The following EFCAB6 variants were observed in gnomAD, a reference collection of about 807,000 sequenced individuals.
EFCAB6 encodes EF-hand calcium-binding domain-containing protein 6.
A neutral mutation model predicts 169.8 loss-of-function variants in EFCAB6; 156 were observed. The ratio of observed to expected loss-of-function variants is 0.92; its 90% CI spans 0.81 to 1.05. The LOEUF (loss-of-function observed/expected upper bound fraction) is 1.05. Ranked by LOEUF, EFCAB6 falls within the 50% of genes least tolerant of loss-of-function variation. The pLI, the probability that EFCAB6 is intolerant of heterozygous loss-of-function variation, is 0.00. For synonymous variants in EFCAB6, 698 were observed against 676.4 expected (o/e 1.03, Z -0.50); for missense variants, 1,800 against 1,829.1 (o/e 0.98, Z 0.29).
intron 10 of EFCAB6, among the ~76,000 whole-genome samples, chr22:43,710,897 A>G (rs1243230581): frequency 6.6e-6 from 1 of 152,238 alleles, no homozygotes; most frequent in Admixed American, 6.5e-5. Context: ...ACTGTGGGTT[A>G]CAAGCAGTCA....
chr22:43,593,227 A>C (rs1302802696), intron 23 of EFCAB6, among the ~76,000 whole-genome samples: 3 of 152,228 alleles, frequency 2.0e-5, no homozygotes, highest in Non-Finnish European at 4.4e-5. Context: ...CTTCTTTACT[A>C]AGAGAGCATG....
chr22:43,701,209 T>C (rs2058753338), intron 10 of EFCAB6, among the ~76,000 whole-genome samples: 1 of 152,166 alleles, frequency 6.6e-6, no homozygotes, highest in Non-Finnish European at 1.5e-5. Context: ...AACACAGTGC[T>C]ACCCAGTGGG....
intron 24 of EFCAB6, among the ~76,000 whole-genome samples, chr22:43,587,978 T>C (rs1239023564): frequency 6.6e-6 from 1 of 152,240 alleles, no homozygotes; most frequent in African/African-American, 2.4e-5. Context: ...CAACAAAATT[T>C]TTAGTATAAC....
intron 23 of EFCAB6, among the ~76,000 whole-genome samples, chr22:43,598,310 G>GAAAAAAAAAAAAAAAAAA (rs1402967848): frequency 1.7e-5 from 1 of 57,658 alleles, no homozygotes; most frequent in East Asian, 1.0e-3. Context: ...ACTGTCTCCG[G>GAAAAAAAAAAAAAAAAAA]GAAAAAAAAA....
At chr22:43,544,406 C>T (rs899017860) in intron 27 of EFCAB6, among the ~76,000 whole-genome samples, 1 of 152,206 alleles carries the variant, frequency 6.6e-6, no homozygotes, top group African/African-American at 2.4e-5. Flanking sequence ...AGAGGCTGGG[C>T]AGCTAGAAGG....
In EFCAB6 at chr22:43,779,234, T is replaced by C. The variant is rs146146732; in HGVS notation, c.139+2946A>G. On this transcript the variant is annotated intron_variant, in intron 3 of 31. Transcript: ENST00000262726. ...ACTCGTGACTATGAACTCAGGTCTA[T>C]AGAAATGATTCAACCTGAAACACAA... is the stretch of plus-strand genomic sequence containing the variant. Among the ~76,000 whole-genome samples the C allele has an allele frequency of 7.5e-3, 1,136 of 152,326 alleles. 16 individuals are homozygous for C. Among genetic ancestry groups the C allele is most frequent in the African/African-American group, 0.025 (1,059 of 41,574 alleles).
chr22:43,678,531 TG>T (rs1462292273), intron 12 of EFCAB6, among the ~76,000 whole-genome samples: 1 of 152,136 alleles, frequency 6.6e-6, no homozygotes, highest in Non-Finnish European at 1.5e-5. Flanking sequence ...ACCTGAGAGC[TG>T]GGGGTTCAAC....
rs145499144 is a variant in EFCAB6, at chr22:43,549,096, T to C, written c.3648+5773A>G. 6.0e-4 allele frequency among the ~76,000 whole-genome samples: 92 copies of C among 152,272 alleles called. 1 individual carries two copies. The highest frequency in any genetic ancestry group is 2.2e-3 in the African/African-American group (90 of 41,558). ...TGAATTATAATTTTAAAACTACATATCAAAACTTGGATGCAGCTAAAGTGG... is the reference window on the plus strand; with the variant it reads ...TGAATTATAATTTTAAAACTACATACCAAAACTTGGATGCAGCTAAAGTGG... On this transcript the variant is annotated intron_variant, in intron 27 of 31. Coordinates refer to ENST00000262726, the MANE Select transcript of EFCAB6 (RefSeq NM_022785.4).
At chr22:43,666,270 C>A (rs753420173) in intron 17 of EFCAB6, among the ~76,000 whole-genome samples, 7 of 152,148 alleles carry the variant, frequency 4.6e-5, no homozygotes, top group Admixed American at 1.3e-4. Context: ...GCTACCTAAT[C>A]CCATTTCTGT....
At chr22:43,691,777 C>T (rs1216971408) in intron 10 of EFCAB6, among the ~76,000 whole-genome samples, 2 of 151,884 alleles carry the variant, frequency 1.3e-5, no homozygotes, top group Non-Finnish European at 2.9e-5. Context: ...AAATAAGATC[C>T]TACTGGCCCA....
At chr22:43,722,315 A>G (rs2147499880) in intron 8 of EFCAB6, among the ~76,000 whole-genome samples, 1 of 152,178 alleles carries the variant, frequency 6.6e-6, no homozygotes, top group Non-Finnish European at 1.5e-5. Flanking sequence ...TCACGAGGTC[A>G]AGAGATCGAG....
At position 43,530,959 on chromosome 22, in the gene EFCAB6, T is replaced by C; in HGVS notation, c.4239A>G (p.Glu1413=). 6.2e-7 allele frequency: 1 copy of C among 1,613,946 alleles called. No individual in the cohort carries two copies. Among genetic ancestry groups the C allele is most frequent in the Non-Finnish European group, 8.5e-7 (1 of 1,179,958 alleles). ...AAAAAGATGGCGTCTCCGCGCCGGC[T>C]TCTTTCTAGACACAAGACAAGAAGG... The part of the protein sequence containing the change: ...MKIQNAHKMK[E]AGAETPSFYS... The change falls in exon 31 of 32, where the codon GAA becomes GAG. Residue 1413 remains glutamate (E), a synonymous_variant. Coordinates refer to ENST00000262726, the MANE Select transcript of EFCAB6 (RefSeq NM_022785.4).
intron 21 of EFCAB6, among the ~76,000 whole-genome samples, chr22:43,609,246 T>C (rs773992054): frequency 4.6e-5 from 7 of 152,172 alleles, no homozygotes; most frequent in Non-Finnish European, 1.0e-4. Context: ...GAACAAAACA[T>C]TCCCCCTAAG....
intron 9 of EFCAB6, among the ~76,000 whole-genome samples, chr22:43,714,009 C>T (rs1194234466): frequency 6.6e-6 from 1 of 151,744 alleles, no homozygotes; most frequent in Non-Finnish European, 1.5e-5. Flanking sequence ...CAAAAAGGAA[C>T]TAAATTAGAA....
At chr22:43,738,505 A>T (rs1360094015) in intron 6 of EFCAB6, among the ~76,000 whole-genome samples, 1 of 146,462 alleles carries the variant, frequency 6.8e-6, no homozygotes, top group African/African-American at 2.6e-5. Flanking sequence ...ACATATACTC[A>T]CACACACCAT....
At chr22:43,533,187 T>C (rs1272302154) in intron 30 of EFCAB6, among the ~76,000 whole-genome samples, 1 of 152,202 alleles carries the variant, frequency 6.6e-6, no homozygotes. Context: ...CAGAGAAAAC[T>C]GTAGACAATG....
At chr22:43,772,513 C>T (rs764755425) in intron 4 of EFCAB6, among the ~76,000 whole-genome samples, 10 of 151,840 alleles carry the variant, frequency 6.6e-5, no homozygotes, top group Non-Finnish European at 1.3e-4. Flanking sequence ...TGGTGGCCCA[C>T]GCCTGTAATC....
At chr22:43,625,715 T>C (rs1452621747) in intron 20 of EFCAB6, among the ~76,000 whole-genome samples, 1 of 152,226 alleles carries the variant, frequency 6.6e-6, no homozygotes, top group Non-Finnish European at 1.5e-5. Context: ...CCTAAGGCAG[T>C]TGGCACAGAT....
chr22:43,541,556 C>T (rs562767980), intron 27 of EFCAB6, among the ~76,000 whole-genome samples: 9 of 152,288 alleles, frequency 5.9e-5, no homozygotes, highest in East Asian at 1.9e-4. Flanking sequence ...TTTTACTACA[C>T]GTGTAGATTC....
Sources: allele counts gnomAD v4.1 joint callset (sites outside exome capture counted in the v4.1 genomes callset), GRCh38; gene constraint gnomAD v4.1.1; transcripts MANE v1.5; gene names NCBI Gene and HGNC (gene_info 2026-07-23, HGNC 2026-07-21).